C5: variants seen among roughly 807,000 people sequenced by gnomAD.
C5 encodes C3 and PZP-like alpha-2-macroglobulin domain-containing protein 4.
Under a neutral mutation model 218.8 loss-of-function variants are expected in C5, and 140 were observed. That is an observed-to-expected ratio of 0.64 (90% CI 0.56 to 0.74). The LOEUF is 0.74. Ranked by LOEUF, C5 falls within the 30% of genes least tolerant of loss-of-function variation. The probability of loss-of-function intolerance (pLI) is 0.00; values close to 1 mark genes in which losing one functional copy is unlikely to be tolerated. For missense variants in C5, 1,700 were observed against 1,969.6 expected (o/e 0.86, Z 2.59); for synonymous variants, 614 against 682.3 (o/e 0.90, Z 1.56).
chr9:121,028,084 C>G (rs983734205), intron 7 of C5, among the ~76,000 whole-genome samples: 1 of 152,126 alleles, frequency 6.6e-6, no homozygotes, highest in Non-Finnish European at 1.5e-5. Context: ...CTAACAGACA[C>G]ATGAAAAAAT....
At chr9:120,959,371 G>C (rs41313609) in intron 38 of C5, among the ~76,000 whole-genome samples, 2 of 151,134 alleles carry the variant, frequency 1.3e-5, no homozygotes, top group African/African-American at 4.9e-5. Flanking sequence ...TGATTCTCCC[G>C]CCTCACCCTG....
At chr9:121,002,620 T>C (rs187099641) in intron 20 of C5, among the ~76,000 whole-genome samples, 5 of 152,162 alleles carry the variant, frequency 3.3e-5, no homozygotes, top group Non-Finnish European at 7.4e-5. Context: ...CTGACTGTCT[T>C]AGTATCTCAG....
Position 121,017,804 on chromosome 9 carries a change from A to G in C5, c.1555T>C (p.Ser519Pro). 1 of 1,613,918 alleles carries G rather than the reference A, an allele frequency of 6.2e-7. No individual in the cohort carries two copies. Among genetic ancestry groups the G allele is most frequent in the East Asian group, 2.2e-5 (1 of 44,878 alleles). The change falls in exon 13 of 41, where the codon TCA becomes CCA. Residue 519 changes from serine to proline, a missense_variant. Transcript: ENST00000223642. The stretch of plus-strand genomic sequence containing the variant: ...TTTATACTTTGATAAGATGCATCTG[A>G]AAATTTCTCCCTCGTGCCAAAGTGG... ...IIHFGTREKF[S>P]DASYQSINIP...
At chr9:120,961,220 C>T (rs922767540) in intron 37 of C5, among the ~76,000 whole-genome samples, 2 of 152,120 alleles carry the variant, frequency 1.3e-5, no homozygotes, top group African/African-American at 4.8e-5. Context: ...TAAAATCTCA[C>T]ATCATGTTGC....
chr9:120,983,717 T>C (rs1322421968), intron 25 of C5, among the ~76,000 whole-genome samples: 1 of 151,628 alleles, frequency 6.6e-6, no homozygotes, highest in Non-Finnish European at 1.5e-5. Flanking sequence ...AAGGCTGAGG[T>C]GGGAGAATTG....
the C5 span, among the ~76,000 whole-genome samples, chr9:121,057,071 G>A: frequency 6.6e-6 from 1 of 152,142 alleles, no homozygotes; most frequent in East Asian, 1.9e-4. Flanking sequence ...CTTGTGGGAT[G>A]ACATAGTCAA....
At chr9:120,993,796 A>G (rs1353373521) in intron 22 of C5, among the ~76,000 whole-genome samples, 1 of 152,234 alleles carries the variant, frequency 6.6e-6, no homozygotes, top group African/African-American at 2.4e-5. Flanking sequence ...AATGTTACAT[A>G]TACATAGATT....
Position 121,032,184 on chromosome 9 carries a change from C to A in C5, c.596G>T (p.Trp199Leu). The change falls in exon 6 of 41, where the codon TGG becomes TTG. Residue 199 changes from tryptophan (W) to leucine (L), a missense_variant. Transcript: ENST00000223642. ...KIPSNPRYGM[W>L]TIKAKYKEDF... The stretch of plus-strand genomic sequence containing the variant: ...CTCTTTATATTTAGCCTTGATCGTC[C>A]ACATACCATATCTGTGGAAGCAAAA... The A allele has an allele frequency of 6.3e-7, 1 of 1,599,490 alleles. No individual in the cohort carries two copies. The highest frequency in any genetic ancestry group is 1.1e-5 in the South Asian group (1 of 90,774).
At chr9:121,002,290 GTATATA>G (rs1246255640) in intron 20 of C5, among the ~76,000 whole-genome samples, 1 of 101,260 alleles carries the variant, frequency 9.9e-6, no homozygotes, top group Non-Finnish European at 2.1e-5. Context: ...ACGTATATAT[GTATATA>G]TGTATATATA....
intron 33 of C5, among the ~76,000 whole-genome samples, chr9:120,966,882 AG>A (rs1454458108): frequency 6.6e-5 from 10 of 152,222 alleles, no homozygotes; most frequent in Non-Finnish European, 8.8e-5. Flanking sequence ...GACATAGAGA[AG>A]ACTGGGAAAC....
At chr9:121,050,094 T>A in intron 1 of C5, 88 bp downstream of exon 1, 1 of 1,078,546 alleles carries the variant, frequency 9.3e-7, no homozygotes, top group East Asian at 2.4e-5. Context: ...AGCAAGTTAT[T>A]TTCAAGTTAA....
At chr9:121,060,719 A>G in the C5 span, among the ~76,000 whole-genome samples, 2 of 151,728 alleles carry the variant, frequency 1.3e-5, no homozygotes, top group South Asian at 4.2e-4. Context: ...TTATCCTGAG[A>G]CCCCTAGAAT....
At chr9:120,987,784 TTTTTG>T (rs896518091) in intron 25 of C5, among the ~76,000 whole-genome samples, 27 of 152,030 alleles carry the variant, frequency 1.8e-4, no homozygotes, top group African/African-American at 5.3e-4. Context: ...CATGATGGTT[TTTTTG>T]TTTTGTTTTG....
At chr9:120,992,102 C>A (rs2047080871) in intron 22 of C5, among the ~76,000 whole-genome samples, 1 of 152,220 alleles carries the variant, frequency 6.6e-6, no homozygotes, top group African/African-American at 2.4e-5. Context: ...GGGCAGGAAT[C>A]ATTTCTCATT....
At chr9:120,969,257 G>C in intron 32 of C5, 139 bp from the exon 33 acceptor site, 2 of 726,834 alleles carry the variant, frequency 2.8e-6, no homozygotes. Context: ...TGGAAGTTTA[G>C]ATACTTTCAG....
chr9:120,953,676 A>G, intron 40 of C5, 54 bp downstream of exon 40: 1 of 1,573,344 alleles, frequency 6.4e-7, no homozygotes, highest in Non-Finnish European at 8.7e-7. Context: ...TTAAGAATAA[A>G]TTATACTCAG....
At chr9:121,030,026 G>A (rs1587990765) in intron 7 of C5, among the ~76,000 whole-genome samples, 1 of 152,084 alleles carries the variant, frequency 6.6e-6, no homozygotes, top group East Asian at 1.9e-4. Flanking sequence ...TCAAGGCACT[G>A]GGTTTTGAAG....
intron 18 of C5, 65 bp from the exon 19 acceptor site, chr9:121,007,042 A>G: frequency 8.1e-7 from 1 of 1,238,068 alleles, no homozygotes; most frequent in Non-Finnish European, 1.2e-6. Context: ...TAACAGAGAC[A>G]TCCATTAACA....
Position 121,018,747 on chromosome 9 carries a change from AAGGAAGG to A in C5, c.1507-902_1507-896del, listed in dbSNP as rs1564153997. Among the ~76,000 whole-genome samples the A allele has an allele frequency of 5.2e-3, 411 of 78,348 alleles. 6 individuals are homozygous for A. The highest frequency in any genetic ancestry group is 0.017 in the African/African-American group (312 of 18,880). 51.4% of individuals were successfully genotyped at this position (78,348 alleles called of 152,430 possible). A position where few individuals can be genotyped will look rare whatever the true frequency, so the allele number is the denominator to read the frequency against. On this transcript the variant is annotated intron_variant, in intron 12 of 40. Coordinates refer to ENST00000223642, the MANE Select transcript of C5 (RefSeq NM_001735.3). ...AAAGAAGGAAGGAAGGAAGGAAAGG[AAGGAAGG>A]AAGGAAGGAAGGAAGGAAGGAAGGA...
Sources: allele counts gnomAD v4.1 joint callset (sites outside exome capture counted in the v4.1 genomes callset), GRCh38; gene constraint gnomAD v4.1.1; transcripts MANE v1.5; gene names NCBI Gene and HGNC (gene_info 2026-07-23, HGNC 2026-07-21).